Variants in PLCZ1 observed in about 807,000 individuals in gnomAD.
PLCZ1 encodes 1-phosphatidylinositol 4,5-bisphosphate phosphodiesterase zeta-1.
A neutral mutation model predicts 76.8 loss-of-function variants in PLCZ1; 64 were observed. The ratio of observed to expected loss-of-function variants is 0.83; its 90% CI spans 0.68 to 1.03. The LOEUF is 1.03. PLCZ1 is among the 50% of genes least tolerant of loss of function. The pLI is 0.00. For synonymous variants in PLCZ1, 248 were observed against 230.8 expected (o/e 1.07, Z -0.68); for missense variants, 751 against 713.7 (o/e 1.05, Z -0.60).
At chr12:18,717,588 CTAAT>C (rs765492367) in intron 5 of PLCZ1, among the ~76,000 whole-genome samples, 1 of 152,136 alleles carries the variant, frequency 6.6e-6, no homozygotes, top group Non-Finnish European at 1.5e-5. Flanking sequence ...CATTTGGAAA[CTAAT>C]TGATATCTCA....
intron 9 of PLCZ1, 23 bp from the exon 10 acceptor site, chr12:18,699,973 T>A (rs1224567942): frequency 6.3e-7 from 1 of 1,596,642 alleles, no homozygotes; most frequent in East Asian, 2.2e-5. Context: ...TGCAGTAATT[T>A]TACATTTTTA....
the PLCZ1 span, among the ~76,000 whole-genome samples, chr12:18,664,729 T>G: frequency 6.6e-6 from 1 of 151,654 alleles, no homozygotes; most frequent in Non-Finnish European, 1.5e-5. Context: ...GCGGCACTAT[T>G]CACAATAGCA....
intron 6 of PLCZ1, among the ~76,000 whole-genome samples, chr12:18,705,700 T>A (rs1956514381): frequency 6.6e-6 from 1 of 150,794 alleles, no homozygotes; most frequent in African/African-American, 2.4e-5. Context: ...ACCCCATCTC[T>A]ACTAAAATCA....
At chr12:18,650,730 A>ATC in the PLCZ1 span, among the ~76,000 whole-genome samples, 6 of 25,188 alleles carry the variant, frequency 2.4e-4, no homozygotes, top group South Asian at 9.1e-4. Flanking sequence ...ATATATATAT[A>ATC]TATATATATA....
chr12:18,668,775 C>T, the PLCZ1 span, among the ~76,000 whole-genome samples: 4 of 152,098 alleles, frequency 2.6e-5, no homozygotes, highest in Admixed American at 1.3e-4. Flanking sequence ...GGAATGCTGC[C>T]TGCTGATATT....
chr12:18,682,340 G>A (rs538647677), downstream of PLCZ1, among the ~76,000 whole-genome samples: 10 of 152,096 alleles, frequency 6.6e-5, no homozygotes, highest in African/African-American at 2.4e-4. Context: ...TATTAGTTAG[G>A]ATTCCATTGC....
At chr12:18,700,082 T>A in intron 9 of PLCZ1, 132 bp from the exon 10 acceptor site, 1 of 734,286 alleles carries the variant, frequency 1.4e-6, no homozygotes, top group Non-Finnish European at 2.3e-6. Context: ...CAAACACCAT[T>A]TGATTAACTC....
chr12:18,694,553 A>C (rs941551955), intron 12 of PLCZ1, among the ~76,000 whole-genome samples: 12 of 152,190 alleles, frequency 7.9e-5, no homozygotes, highest in Non-Finnish European at 1.5e-4. Context: ...GGTAAAATTC[A>C]TCAAAGGCGA....
the PLCZ1 span, among the ~76,000 whole-genome samples, chr12:18,647,542 C>T: frequency 1.7e-4 from 26 of 151,588 alleles, no homozygotes; most frequent in Admixed American, 1.7e-3. Context: ...TACATAATAG[C>T]TGTACATATT....
downstream of PLCZ1, among the ~76,000 whole-genome samples, chr12:18,679,235 T>C (rs1017466765): frequency 7.2e-5 from 11 of 152,012 alleles, no homozygotes; most frequent in African/African-American, 2.7e-4. Context: ...TTGATATATA[T>C]ATAGCTTACC....
In PLCZ1 at chr12:18,694,982, G is replaced by T. The variant is rs955258605; in HGVS notation, c.1389C>A (p.Phe463Leu). The change falls in exon 12 of 15, where the codon TTC becomes TTA. Residue 463 changes from phenylalanine to leucine, a missense_variant. Physicochemically the swap from Phe to Leu is conservative, Grantham distance 22. Coordinates refer to ENST00000266505, the MANE Select transcript of PLCZ1 (RefSeq NM_033123.4). ...TAAAGTATGATTTACTCTCTCTTAAGAAATGTGGTTTCAAAATATATCCAG... is the reference window on the plus strand; with the variant it reads ...TAAAGTATGATTTACTCTCTCTTAATAAATGTGGTTTCAAAATATATCCAG... ...GGSGYILKPH[F>L]LRESKSYFNP... is the part of the protein sequence containing the mutation. 3.1e-6 allele frequency: 5 copies of T among 1,609,322 alleles called. No homozygotes were observed. Among genetic ancestry groups the T allele is most frequent in the African/African-American group, 1.3e-5 (1 of 74,804 alleles).
chr12:18,657,164 A>G, the PLCZ1 span, among the ~76,000 whole-genome samples: 1 of 152,192 alleles, frequency 6.6e-6, no homozygotes, highest in Non-Finnish European at 1.5e-5. Context: ...TGAAATATTT[A>G]TAGGCAGATG....
the PLCZ1 span, among the ~76,000 whole-genome samples, chr12:18,662,026 C>T: frequency 1.6e-4 from 25 of 152,188 alleles, no homozygotes; most frequent in Admixed American, 1.6e-3. Flanking sequence ...AACGCAGGAA[C>T]AGAAAACCAA....
At chr12:18,731,364 C>G (rs1009611659) in intron 3 of PLCZ1, among the ~76,000 whole-genome samples, 19 of 152,032 alleles carry the variant, frequency 1.2e-4, no homozygotes, top group Admixed American at 1.2e-3. Context: ...GGCTTACTGC[C>G]CACCATAAAA....
At chr12:18,655,119 G>T in the PLCZ1 span, among the ~76,000 whole-genome samples, 2 of 152,140 alleles carry the variant, frequency 1.3e-5, no homozygotes, top group Admixed American at 1.3e-4. Context: ...GGAAAATACT[G>T]TTAAAGACTT....
At chr12:18,657,734 T>G in the PLCZ1 span, among the ~76,000 whole-genome samples, 1 of 151,962 alleles carries the variant, frequency 6.6e-6, no homozygotes, top group African/African-American at 2.4e-5. Flanking sequence ...ATTTCTAGAG[T>G]TGCCACACTA....
the PLCZ1 span, among the ~76,000 whole-genome samples, chr12:18,656,849 T>C: frequency 6.6e-6 from 1 of 152,154 alleles, no homozygotes; most frequent in Non-Finnish European, 1.5e-5. Context: ...AACAACAAAA[T>C]GAATGCTTAA....
intron 9 of PLCZ1, among the ~76,000 whole-genome samples, chr12:18,700,988 T>A (rs142929277): frequency 0.49 from 73,125 of 149,620 alleles, 19,130 homozygotes; most frequent in South Asian, 0.63. Flanking sequence ...ATAGAGATTT[T>A]TTTTTTTTTT....
chr12:18,690,524 C>T (rs964900943), intron 12 of PLCZ1, among the ~76,000 whole-genome samples: 1 of 152,082 alleles, frequency 6.6e-6, no homozygotes, highest in Non-Finnish European at 1.5e-5. Context: ...CATACCCAGC[C>T]CACATCTCTT....
Sources: gnomAD v4.1 joint callset for allele counts (sites outside exome capture counted in the v4.1 genomes callset) on GRCh38, gnomAD v4.1.1 for gene constraint, MANE v1.5 for transcripts, NCBI Gene and HGNC (gene_info 2026-07-23, HGNC 2026-07-21) for gene names.